The following CNTN4 variants were observed in gnomAD, a reference collection of about 807,000 sequenced individuals.
CNTN4 encodes contactin 4, also known as contactin-4.
A neutral mutation model predicts 122.5 loss-of-function variants in CNTN4; 77 were observed. The observed-to-expected ratio is 0.63, with a 90% CI of 0.52 to 0.76. The LOEUF (loss-of-function observed/expected upper bound fraction) is 0.76. CNTN4 is among the 30% of genes least tolerant of loss of function. The probability of loss-of-function intolerance (pLI) is 0.00; values close to 1 mark genes in which losing one functional copy is unlikely to be tolerated. For synonymous variants in CNTN4, 512 were observed against 447.0 expected, an observed-to-expected ratio of 1.15 and a Z score of -1.83; for missense variants, 1,256 against 1,259.1, an observed-to-expected ratio of 1.00 and a Z score of 0.04.
intron 10 of CNTN4, among the ~76,000 whole-genome samples, chr3:2,894,268 G>A (rs2151073709): frequency 6.6e-6 from 1 of 152,258 alleles, no homozygotes; most frequent in African/African-American, 2.4e-5. Flanking sequence ...AGGACATAAT[G>A]GACTCTCTTA....
chr3:2,159,704 A>T (rs554199393), intron 2 of CNTN4, among the ~76,000 whole-genome samples: 2 of 152,296 alleles, frequency 1.3e-5, no homozygotes, highest in South Asian at 4.1e-4. Context: ...GATTTATAGA[A>T]TATGAGATAT....
chr3:2,435,753 G>C (rs1272115644), intron 3 of CNTN4, among the ~76,000 whole-genome samples: 1 of 152,154 alleles, frequency 6.6e-6, no homozygotes, highest in South Asian at 2.1e-4. Flanking sequence ...AAGGCTGGTA[G>C]GTTATTTAAA....
rs1363877261 is a variant in CNTN4 at position 3,037,264 on chromosome 3, A to T, written c.2028A>T (p.Ala676=). Residue 676 remains alanine (A), a synonymous_variant, in exon 18 of 25, where the codon GCA becomes GCT. Transcript: ENST00000418658. ...PWVEYEFRTV[A]ANVIGIGEPS... Reference sequence around the variant, plus strand: ...TTGAATATGAATTCCGCACAGTTGCAGCCAACGTGATTGGGATTGGGGAGC... The same window carrying T: ...TTGAATATGAATTCCGCACAGTTGCTGCCAACGTGATTGGGATTGGGGAGC... The T allele has an allele frequency of 5.6e-6, 9 of 1,614,188 alleles. No individual in the cohort carries two copies. The highest frequency in any genetic ancestry group is 7.6e-6 in the Non-Finnish European group (9 of 1,180,030).
intron 3 of CNTN4, among the ~76,000 whole-genome samples, chr3:2,377,696 C>T (rs950585080): frequency 3.3e-5 from 5 of 152,022 alleles, no homozygotes; most frequent in South Asian, 2.1e-4. Context: ...ACCTGTGGAC[C>T]GCATGTGGCC....
intron 12 of CNTN4, among the ~76,000 whole-genome samples, chr3:2,910,944 C>T (rs1249901998): frequency 1.3e-5 from 2 of 152,134 alleles, no homozygotes; most frequent in African/African-American, 2.4e-5. Flanking sequence ...AAGCCAATAG[C>T]ATTAAAGCAC....
intron 12 of CNTN4, among the ~76,000 whole-genome samples, chr3:2,915,105 G>A (rs1231566759): frequency 5.3e-5 from 8 of 152,030 alleles, no homozygotes; most frequent in Admixed American, 6.5e-5. Context: ...TCACTCTGTC[G>A]CCCAGGCTGG....
chr3:2,214,667 G>T (rs2038762802), intron 2 of CNTN4, among the ~76,000 whole-genome samples: 1 of 152,028 alleles, frequency 6.6e-6, no homozygotes, highest in Admixed American at 6.6e-5. Flanking sequence ...AAATCATAGA[G>T]CCCATCCACT....
chr3:2,569,878 CGG>C (rs1276398834), intron 3 of CNTN4, among the ~76,000 whole-genome samples: 1 of 152,120 alleles, frequency 6.6e-6, no homozygotes, highest in Non-Finnish European at 1.5e-5. Context: ...TCCTTGATAA[CGG>C]GATATCATAT....
intron 6 of CNTN4, among the ~76,000 whole-genome samples, chr3:2,801,125 T>G (rs2092336991): frequency 6.9e-6 from 1 of 145,426 alleles, no homozygotes; most frequent in South Asian, 2.1e-4. Flanking sequence ...GGCAGGAGTA[T>G]TTGTCTGCTT....
At chr3:2,335,566 C>T (rs1440902395) in intron 2 of CNTN4, among the ~76,000 whole-genome samples, 1 of 137,320 alleles carries the variant, frequency 7.3e-6, no homozygotes, top group Admixed American at 8.0e-5. Flanking sequence ...AAAAGCGGCC[C>T]AGAAAAAAAT....
intron 12 of CNTN4, among the ~76,000 whole-genome samples, chr3:2,918,077 C>T (rs1425728581): frequency 6.6e-6 from 1 of 152,160 alleles, no homozygotes; most frequent in Non-Finnish European, 1.5e-5. Context: ...ATGAACATAG[C>T]ACAAAGGCAA....
chr3:2,467,451 T>G (rs1463210543), intron 3 of CNTN4, among the ~76,000 whole-genome samples: 1 of 152,186 alleles, frequency 6.6e-6, no homozygotes, highest in African/African-American at 2.4e-5. Flanking sequence ...AAATGCATCT[T>G]AACATAATAG....
At chr3:2,182,710 A>G (rs1393001870) in intron 2 of CNTN4, among the ~76,000 whole-genome samples, 1 of 152,120 alleles carries the variant, frequency 6.6e-6, no homozygotes, top group East Asian at 1.9e-4. Flanking sequence ...TCTTCCTATA[A>G]TCCAGTTATT....
At chr3:2,101,526 G>A (rs1241297635) in intron 2 of CNTN4, among the ~76,000 whole-genome samples, 2 of 151,406 alleles carry the variant, frequency 1.3e-5, no homozygotes, top group African/African-American at 2.4e-5. Flanking sequence ...TCATATGATA[G>A]GCAGGGGGAA....
intron 3 of CNTN4, among the ~76,000 whole-genome samples, chr3:2,433,906 C>T (rs2048168578): frequency 6.6e-6 from 1 of 151,996 alleles, no homozygotes; most frequent in Non-Finnish European, 1.5e-5. Flanking sequence ...AAGCCAGGCG[C>T]AGAAGGACAA....
At chr3:2,373,988 A>T (rs1019531189) in intron 3 of CNTN4, among the ~76,000 whole-genome samples, 1 of 152,196 alleles carries the variant, frequency 6.6e-6, no homozygotes, top group Non-Finnish European at 1.5e-5. Flanking sequence ...CTTAAATGAC[A>T]TTTTAATCAA....
At chr3:3,001,620 C>G (rs968207596) in intron 14 of CNTN4, among the ~76,000 whole-genome samples, 1 of 152,166 alleles carries the variant, frequency 6.6e-6, no homozygotes, top group Non-Finnish European at 1.5e-5. Context: ...TCCGTATTAT[C>G]TTATAGCTCT....
At chr3:2,479,101 C>G (rs1028347755) in intron 3 of CNTN4, among the ~76,000 whole-genome samples, 2 of 152,072 alleles carry the variant, frequency 1.3e-5, no homozygotes, top group Non-Finnish European at 2.9e-5. Flanking sequence ...TTGGCACAGT[C>G]TATGACTAGA....
At chr3:2,942,013 T>A (rs1162499657) in intron 13 of CNTN4, among the ~76,000 whole-genome samples, 1 of 152,224 alleles carries the variant, frequency 6.6e-6, no homozygotes, top group Non-Finnish European at 1.5e-5. Flanking sequence ...ATTCCATATT[T>A]ATGTTTTCAT....
Sources: allele counts gnomAD v4.1 joint callset (sites outside exome capture counted in the v4.1 genomes callset), GRCh38; gene constraint gnomAD v4.1.1; transcripts MANE v1.5; gene names NCBI Gene and HGNC (gene_info 2026-07-23, HGNC 2026-07-21).